The following ZSWIM6 variants were observed in gnomAD, a reference collection of about 807,000 sequenced individuals.
ZSWIM6 encodes zinc finger SWIM-type containing 6, also known as zinc finger SWIM domain-containing protein 6.
In ZSWIM6, 9 loss-of-function variants were observed where a neutral mutation model predicts 113.2. That is an observed-to-expected ratio of 0.08 (90% CI 0.05 to 0.14). The LOEUF is 0.14. ZSWIM6 is among the 10% of genes least tolerant of loss of function. The pLI is 1.00. For missense variants in ZSWIM6, 1,162 were observed against 1,552.2 expected (o/e 0.75, Z 4.22); for synonymous variants, 611 against 606.5 (o/e 1.01, Z -0.11).
intron 1 of ZSWIM6, among the ~76,000 whole-genome samples, chr5:61,335,442 C>G (rs1744371871): frequency 6.6e-6 from 1 of 152,192 alleles, no homozygotes; most frequent in African/African-American, 2.4e-5. Flanking sequence ...TCAGGGTTCC[C>G]CCCACCTCCC....
intron 4 of ZSWIM6, among the ~76,000 whole-genome samples, chr5:61,501,146 T>C (rs533893482): frequency 1.3e-5 from 2 of 152,338 alleles, no homozygotes; most frequent in East Asian, 3.9e-4. Flanking sequence ...GGGGCATGTT[T>C]TCTTTCCCTG....
At chr5:61,415,062 C>T (rs912433416) in intron 1 of ZSWIM6, among the ~76,000 whole-genome samples, 3 of 152,164 alleles carry the variant, frequency 2.0e-5, no homozygotes, top group Non-Finnish European at 4.4e-5. Context: ...AAATGCCATT[C>T]CCAGGTTTGA....
intron 1 of ZSWIM6, among the ~76,000 whole-genome samples, chr5:61,362,421 CT>C (rs1399391457): frequency 6.6e-6 from 1 of 152,204 alleles, no homozygotes; most frequent in African/African-American, 2.4e-5. Context: ...TGGTCTCTAA[CT>C]CCTGACCTCA....
At chr5:61,497,017 C>T (rs1748335351) in intron 4 of ZSWIM6, among the ~76,000 whole-genome samples, 1 of 151,112 alleles carries the variant, frequency 6.6e-6, no homozygotes, top group Non-Finnish European at 1.5e-5. Flanking sequence ...CTTAATAAAG[C>T]TGAAACTGTT....
chr5:61,389,853 A>T (rs1035515820), intron 1 of ZSWIM6, among the ~76,000 whole-genome samples: 1 of 152,210 alleles, frequency 6.6e-6, no homozygotes, highest in East Asian at 1.9e-4. Context: ...CATGTGCTGT[A>T]TATGCATGAG....
chr5:61,500,912 A>G (rs562848400), intron 4 of ZSWIM6, among the ~76,000 whole-genome samples: 47 of 152,188 alleles, frequency 3.1e-4, no homozygotes, highest in Non-Finnish European at 5.7e-4. Context: ...AGTTGCCAGC[A>G]CTAGTTTATC....
chr5:61,510,630 A>G (rs987049165), intron 4 of ZSWIM6, among the ~76,000 whole-genome samples: 1 of 152,054 alleles, frequency 6.6e-6, no homozygotes, highest in Non-Finnish European at 1.5e-5. Context: ...GAGAGTAGAA[A>G]CATGCTGGAT....
intron 1 of ZSWIM6, among the ~76,000 whole-genome samples, chr5:61,396,045 C>T (rs2112097658): frequency 6.6e-6 from 1 of 152,224 alleles, no homozygotes; most frequent in East Asian, 1.9e-4. Flanking sequence ...TTGGAAAGTA[C>T]AGTCTGGTGT....
At chr5:61,366,963 C>G (rs1249388766) in intron 1 of ZSWIM6, among the ~76,000 whole-genome samples, 1 of 149,420 alleles carries the variant, frequency 6.7e-6, no homozygotes, top group Non-Finnish European at 1.5e-5. Context: ...AAGGCAATGC[C>G]TTATATACAG....
chr5:61,462,518 A>G (rs1747341089), intron 1 of ZSWIM6, among the ~76,000 whole-genome samples: 1 of 152,342 alleles, frequency 6.6e-6, no homozygotes, highest in African/African-American at 2.4e-5. Context: ...GTTTGGAAGT[A>G]TGGATATATT....
intron 8 of ZSWIM6, among the ~76,000 whole-genome samples, chr5:61,530,412 C>A (rs937393488): frequency 6.6e-6 from 1 of 152,144 alleles, no homozygotes; most frequent in Non-Finnish European, 1.5e-5. Flanking sequence ...CAGCCTGTTT[C>A]GAGAATCTTA....
At chr5:61,460,167 C>T (rs546037933) in intron 1 of ZSWIM6, among the ~76,000 whole-genome samples, 1 of 152,334 alleles carries the variant, frequency 6.6e-6, no homozygotes, top group South Asian at 2.1e-4. Context: ...TCCAGCCTTT[C>T]AGCCATACAT....
In ZSWIM6 at chr5:61,539,637, A is replaced by G; in HGVS notation, c.2581A>G (p.Lys861Glu). ...RLETVLESIQ[K>E]NIHSSSHIFK... The stretch of plus-strand genomic sequence containing the variant: ...GGAAACAGTATTAGAATCCATCCAG[A>G]AAAACATTCACTCCTCATCACACAT... Residue 861 changes from lysine to glutamate, a missense_variant, in exon 12 of 14, where the codon AAA (lysine) becomes GAA (glutamate). By Grantham distance (56) the Lys-to-Glu change is moderately conservative. Transcript: ENST00000252744. The G allele has an allele frequency of 1.3e-6, 2 of 1,552,038 alleles. No individual in the cohort carries two copies. The highest frequency in any genetic ancestry group is 1.7e-6 in the Non-Finnish European group (2 of 1,147,058).
intron 1 of ZSWIM6, among the ~76,000 whole-genome samples, chr5:61,388,705 A>C (rs564955312): frequency 6.6e-6 from 1 of 152,388 alleles, no homozygotes; most frequent in East Asian, 1.9e-4. Context: ...ACAGTGGCTC[A>C]AAAATATCTA....
In ZSWIM6 at chr5:61,525,929, A is replaced by G; in HGVS notation, c.1643A>G (p.Asp548Gly). The change falls in exon 6 of 14, where the codon GAC (aspartate) becomes GGC (glycine). Residue 548 changes from aspartate to glycine, a missense_variant. Physicochemically the swap from Asp to Gly is moderately conservative, Grantham distance 94. Transcript: ENST00000252744. ...DLYTNYCYHDDTENSLFDSRG... is the reference protein window; with the variant it reads ...DLYTNYCYHDGTENSLFDSRG... ...TACACCAACTACTGTTACCATGACGACACTGAAAACTCCCTCTTCGACTCC... is the reference window on the plus strand; with the variant it reads ...TACACCAACTACTGTTACCATGACGGCACTGAAAACTCCCTCTTCGACTCC... 6.4e-7 allele frequency: 1 copy of G among 1,552,208 alleles called. No homozygotes were observed.
chr5:61,422,696 A>G (rs1429913302), intron 1 of ZSWIM6, among the ~76,000 whole-genome samples: 1 of 152,204 alleles, frequency 6.6e-6, no homozygotes, highest in African/African-American at 2.4e-5. Flanking sequence ...CTAATCCATG[A>G]ACATGGAGTA....
intron 1 of ZSWIM6, among the ~76,000 whole-genome samples, chr5:61,421,555 G>T (rs1746355771): frequency 6.6e-6 from 1 of 152,008 alleles, no homozygotes; most frequent in African/African-American, 2.4e-5. Flanking sequence ...ATGTCATGGG[G>T]GTTTGTTGTA....
At chr5:61,534,899 A>G (rs1345750216) in intron 9 of ZSWIM6, among the ~76,000 whole-genome samples, 1 of 152,084 alleles carries the variant, frequency 6.6e-6, no homozygotes, top group Non-Finnish European at 1.5e-5. Context: ...ATGGGTAACT[A>G]TTCTTTTTAT....
At chr5:61,356,384 G>A (rs1307146163) in intron 1 of ZSWIM6, among the ~76,000 whole-genome samples, 1 of 152,072 alleles carries the variant, frequency 6.6e-6, no homozygotes, top group Non-Finnish European at 1.5e-5. Flanking sequence ...CATTGGCTGA[G>A]TTATTTACAA....
Sources: gnomAD v4.1 joint callset for allele counts (sites outside exome capture counted in the v4.1 genomes callset) on GRCh38, gnomAD v4.1.1 for gene constraint, MANE v1.5 for transcripts, NCBI Gene and HGNC (gene_info 2026-07-23, HGNC 2026-07-21) for gene names.